SMURF1: variants seen among roughly 807,000 people sequenced by gnomAD.
The protein encoded by SMURF1 is SMAD specific E3 ubiquitin protein ligase 1.
A neutral mutation model predicts 98.0 loss-of-function variants in SMURF1; 44 were observed. That is an observed-to-expected ratio of 0.45 (90% confidence interval 0.35 to 0.58). SMURF1 has a LOEUF of 0.58. Among genes scored for constraint, SMURF1 ranks in the 20% least tolerant of loss-of-function variants. The probability of loss-of-function intolerance (pLI) is 0.00; values close to 1 mark genes in which losing one functional copy is unlikely to be tolerated. For synonymous variants in SMURF1, 396 were observed against 374.9 expected (o/e 1.06, Z -0.65); for missense variants, 687 against 938.4 (o/e 0.73, Z 3.50).
Position 99,030,294 on chromosome 7 carries a change from A to AC in SMURF1, c.*289dup, listed in dbSNP as rs34506005. ...GAGCCTTATCACCACATGGGTTGCAACACAGCAGAATATCCTGTGTGACCA... is the reference window on the plus strand; with the variant it reads ...GAGCCTTATCACCACATGGGTTGCAACCACAGCAGAATATCCTGTGTGACCA... On this transcript the variant is annotated 3_prime_UTR_variant, in exon 18 of 18. Transcript: ENST00000361368. 0.26 allele frequency: 100,953 copies of AC among 392,758 alleles called. 18,904 individuals are homozygous for AC. The highest frequency in any genetic ancestry group is 0.7 in the African/African-American group (34,060 of 49,002). 24.3% of individuals were successfully genotyped at this position (392,758 alleles called of 1,614,324 possible).
At chr7:99,135,276 G>A (rs574390626) in intron 1 of SMURF1, among the ~76,000 whole-genome samples, 2 of 152,204 alleles carry the variant, frequency 1.3e-5, no homozygotes, top group Admixed American at 6.5e-5. Context: ...GAAAAGGGAG[G>A]AGATTAAATA....
Position 99,060,614 on chromosome 7 carries a change from T to C in SMURF1, c.188A>G (p.Asn63Ser), listed in dbSNP as rs768317111. ...TVKNTLDPKW[N>S]QHYDLYVGKT... ...TTCAACTCACAGATCATAGTGCTGGTTCCACTTTGGGTCCAATGTGTTTTT... is the reference window on the plus strand; with the variant it reads ...TTCAACTCACAGATCATAGTGCTGGCTCCACTTTGGGTCCAATGTGTTTTT... Residue 63 changes from asparagine to serine, a missense_variant, in exon 3 of 18, where the codon AAC (asparagine) becomes AGC (serine). This residue lies in a region of SMURF1 where 415 missense variants were observed against 508.4 expected (regional missense o/e 0.82). Coordinates refer to ENST00000361368, the MANE Select transcript of SMURF1 (RefSeq NM_181349.3). The C allele has an allele frequency of 1.9e-6, 3 of 1,613,670 alleles. No homozygotes were observed. In the Admixed American group the frequency reaches 5.0e-5, roughly 27 times the overall value.
rs1795411690 is a variant in SMURF1 at position 99,042,217 on chromosome 7, C to T, written c.1272G>A (p.Leu424=). ...AAGGATTCAGCATTTCATGGCACAG[C>T]AAGTAAAGCCACTCCCTGGGAGCAA... ...YGGVAREWLY[L]LCHEMLNPYY... The change falls in exon 12 of 18, where the codon TTG becomes TTA. Residue 424 remains leucine, a synonymous_variant. Transcript: ENST00000361368. 19 of 1,612,564 alleles carry T rather than the reference C, an allele frequency of 1.2e-5. No homozygotes were observed. The highest frequency in any genetic ancestry group is 1.6e-5 in the Non-Finnish European group (19 of 1,179,356).
intron 1 of SMURF1, among the ~76,000 whole-genome samples, chr7:99,092,909 G>A (rs1248987524): frequency 1.3e-5 from 2 of 152,110 alleles, no homozygotes; most frequent in South Asian, 2.1e-4. Context: ...TTCAGGATTC[G>A]CTAATTTGGT....
rs189650812 is a variant in SMURF1, at chr7:99,126,227, C to T, written c.55+17499G>A. ...TGGTATTTATCTTCCTTTAGAATGACGAGAAAATTAATATCAAATTCTAAT... is the reference window on the plus strand; with the variant it reads ...TGGTATTTATCTTCCTTTAGAATGATGAGAAAATTAATATCAAATTCTAAT... On this transcript the variant is annotated intron_variant, in intron 1 of 17. Transcript: ENST00000361368. Among the ~76,000 whole-genome samples, 16 of 151,914 alleles carry T rather than the reference C, an allele frequency of 1.1e-4. 1 individual carries two copies. The highest frequency in any genetic ancestry group is 5.9e-4 in the Admixed American group (9 of 15,254).
chr7:99,047,898 T>C lies in SMURF1; in HGVS notation c.954-16A>G. On this transcript the variant is annotated splice_polypyrimidine_tract_variant and intron_variant, in intron 9 of 17. Transcript: ENST00000361368. ...GCACTGGTGACTTGAGAAGAAGAGA[T>C]GCAGAAAGTCACTCCGAAGCCCCGG... 1 of 1,611,796 alleles carries C rather than the reference T, an allele frequency of 6.2e-7. No homozygotes were observed. The highest frequency in any genetic ancestry group is 8.5e-7 in the Non-Finnish European group (1 of 1,179,828).
intron 10 of SMURF1, 112 bp from the exon 11 acceptor site, chr7:99,045,913 T>A (rs1795557537): frequency 1.4e-6 from 1 of 738,576 alleles, no homozygotes; most frequent in East Asian, 2.6e-5. Context: ...CAATTCAAGT[T>A]TTATCTGGCT....
intron 17 of SMURF1, chr7:99,030,898 C>T: frequency 2.3e-6 from 1 of 441,340 alleles, no homozygotes; most frequent in South Asian, 2.7e-5. Context: ...CAGGGTCTCG[C>T]TAGGTTGCCC....
At chr7:99,140,549 A>G (rs969692103) in intron 1 of SMURF1, among the ~76,000 whole-genome samples, 1 of 151,592 alleles carries the variant, frequency 6.6e-6, no homozygotes, top group African/African-American at 2.4e-5. Flanking sequence ...AGCCTCCCAA[A>G]GTGCTGAGAT....
At chr7:99,099,509 A>C (rs531487589) in intron 1 of SMURF1, among the ~76,000 whole-genome samples, 36 of 152,118 alleles carry the variant, frequency 2.4e-4, no homozygotes, top group African/African-American at 7.7e-4. Flanking sequence ...TAGGGGGGGA[A>C]ATGCCATTAT....
At position 99,143,900 on chromosome 7, in the gene SMURF1, C is replaced by T; in HGVS notation, c.-120G>A. 1.1e-6 allele frequency: 1 copy of T among 901,700 alleles called. No individual in the cohort carries two copies. The highest frequency in any genetic ancestry group is 1.5e-6 in the Non-Finnish European group (1 of 655,734). The allele number at this position is 901,700 out of a possible 1,614,324, so 55.9% of individuals were successfully genotyped here. The stretch of plus-strand genomic sequence containing the variant: ...CCGGGCTGGGCGCCGGGGTCCGAGC[C>T]GGGACACAAACTCCGCGGCCCAGGC... On this transcript the variant is annotated 5_prime_UTR_variant, in exon 1 of 18. Coordinates refer to ENST00000361368, the MANE Select transcript of SMURF1 (RefSeq NM_181349.3).
At chr7:99,047,387 T>C (rs1795617663) in intron 10 of SMURF1, among the ~76,000 whole-genome samples, 1 of 152,252 alleles carries the variant, frequency 6.6e-6, no homozygotes, top group Non-Finnish European at 1.5e-5. Context: ...TATACACCTC[T>C]AGGTTTTCAC....
intron 3 of SMURF1, among the ~76,000 whole-genome samples, 198 bp from the exon 4 acceptor site, chr7:99,057,749 C>G (rs879685090): frequency 6.6e-6 from 1 of 151,956 alleles, no homozygotes; most frequent in African/African-American, 2.4e-5. Context: ...AGGCGTGCAT[C>G]ACCATGCCTG....
intron 1 of SMURF1, among the ~76,000 whole-genome samples, chr7:99,130,061 T>A (rs28609333): frequency 0.019 from 2,943 of 152,288 alleles, 102 homozygotes; most frequent in African/African-American, 0.068. Flanking sequence ...TTACAGATAA[T>A]CAGCATGTAT....
intron 1 of SMURF1, among the ~76,000 whole-genome samples, chr7:99,064,082 A>C (rs1796132346): frequency 6.6e-6 from 1 of 152,282 alleles, no homozygotes; most frequent in Admixed American, 6.5e-5. Context: ...AATTGATTTT[A>C]AGTTGTTAAA....
In SMURF1 at chr7:99,033,093, C is replaced by G. The variant is rs1794978038; in HGVS notation, c.2040G>C (p.Leu680=). The G allele has an allele frequency of 1.3e-6, 2 of 1,588,544 alleles. No individual in the cohort carries two copies. The part of the protein sequence containing the change: ...QGSTGAAGPR[L]FTIHLIDANT... ...TCGCGTCTATCAGGTGGATGGTGAA[C>G]AGCCGGGGCCCTGCCGCGCCTGTAG... Residue 680 remains leucine, a synonymous_variant, in exon 17 of 18, where the codon CTG becomes CTC. Coordinates refer to ENST00000361368, the MANE Select transcript of SMURF1 (RefSeq NM_181349.3).
At chr7:99,048,693 A>C (rs1795660925) in intron 9 of SMURF1, 1 of 152,244 alleles carries the variant, frequency 6.6e-6, no homozygotes, top group Non-Finnish European at 1.5e-5. Context: ...ACACCTGCTC[A>C]TTGAGAGCAA....
intron 1 of SMURF1, among the ~76,000 whole-genome samples, chr7:99,103,547 T>A (rs1208923912): frequency 6.6e-6 from 1 of 152,188 alleles, no homozygotes; most frequent in African/African-American, 2.4e-5. Flanking sequence ...AATATACATA[T>A]GGAAACCAGA....
In SMURF1 at chr7:99,038,463, C is replaced by T. The variant is rs182340234; in HGVS notation, c.1613G>A (p.Arg538Gln). 35 of 1,614,240 alleles carry T rather than the reference C, an allele frequency of 2.2e-5. No homozygotes were observed. The highest frequency in any genetic ancestry group is 1.6e-4 in the Middle Eastern group (1 of 6,062). Residue 538 changes from arginine (R) to glutamine (Q), a missense_variant, in exon 14 of 18, where the codon CGG (arginine) becomes CAG (glutamine). Around this residue, in one of 2 missense-constraint regions of SMURF1, gnomAD observed 272 missense variants for 430.0 expected, o/e 0.63. Coordinates refer to ENST00000361368, the MANE Select transcript of SMURF1 (RefSeq NM_181349.3). ...TFCVEHNAFG[R>Q]ILQHELKPNG... Reference sequence around the variant, plus strand: ...GGGTTTCAGTTCATGCTGCAGGATCCGCCCGAAGGCGTTGTGTTCCACGCA... The same window carrying T: ...GGGTTTCAGTTCATGCTGCAGGATCTGCCCGAAGGCGTTGTGTTCCACGCA...
Sources: gnomAD v4.1 joint callset for allele counts (sites outside exome capture counted in the v4.1 genomes callset) on GRCh38, gnomAD v4.1.1 for gene constraint, gnomAD v4.1.1 regional missense constraint, MANE v1.5 for transcripts, NCBI Gene and HGNC (gene_info 2026-07-23, HGNC 2026-07-21) for gene names.